The following MTUS2 variants were observed in gnomAD, a reference collection of about 807,000 sequenced individuals.
The protein encoded by MTUS2 is microtubule-associated tumor suppressor candidate 2.
MTUS2 carries 40 observed loss-of-function variants against 114.1 expected under a neutral mutation model. The ratio of observed to expected loss-of-function variants is 0.35; its 90% CI spans 0.27 to 0.46. The LOEUF is 0.46. MTUS2 is among the 20% of genes least tolerant of loss of function. The pLI, the probability that MTUS2 is intolerant of heterozygous loss-of-function variation, is 1.00. For missense variants in MTUS2, 1,679 were observed against 1,705.4 expected, an observed-to-expected ratio of 0.98 and a Z score of 0.27; for synonymous variants, 688 against 672.0, an observed-to-expected ratio of 1.02 and a Z score of -0.37.
intron 2 of MTUS2, among the ~76,000 whole-genome samples, chr13:28,911,495 A>G (rs1382749182): frequency 2.0e-5 from 3 of 152,158 alleles, no homozygotes; most frequent in South Asian, 2.1e-4. Context: ...ATATAATAAT[A>G]TATTTTCCTT....
At chr13:29,152,948 A>G (rs891287833) in intron 5 of MTUS2, among the ~76,000 whole-genome samples, 6 of 152,152 alleles carry the variant, frequency 3.9e-5, no homozygotes, top group Admixed American at 3.9e-4. Context: ...TAAAAGTGTG[A>G]TAAAGATTTT....
rs1172216855 is a variant in MTUS2, at chr13:29,027,780, C to T, written c.2205+877C>T. ...GGTCTTGATCTCCTGACCTCGTGAT[C>T]CGCCTACCTCGGCCTCCCAAAGTGC... is the stretch of plus-strand genomic sequence containing the variant. On this transcript the variant is annotated intron_variant, in intron 3 of 15. Coordinates refer to ENST00000612955, the MANE Select transcript of MTUS2 (RefSeq NM_001033602.4). Among the ~76,000 whole-genome samples the T allele has an allele frequency of 5.3e-5, 8 of 152,190 alleles. No individual in the cohort carries two copies. In the East Asian group the frequency reaches 1.6e-3, roughly 30 times the overall value.
chr13:28,921,803 A>G (rs763773540), intron 2 of MTUS2, among the ~76,000 whole-genome samples: 3 of 152,120 alleles, frequency 2.0e-5, no homozygotes, highest in Non-Finnish European at 4.4e-5. Context: ...GCTCTCCAAT[A>G]TAACAGGACA....
intron 9 of MTUS2, among the ~76,000 whole-genome samples, chr13:29,467,610 G>T (rs1212359477): frequency 6.6e-6 from 1 of 152,050 alleles, no homozygotes; most frequent in Non-Finnish European, 1.5e-5. Flanking sequence ...AGTGTTATTA[G>T]TTCTCACTTG....
At position 29,419,316 on chromosome 13, in the gene MTUS2, A is replaced by G. The variant is rs114584443; in HGVS notation, c.3118-20667A>G. On this transcript the variant is annotated intron_variant, in intron 8 of 15. Transcript: ENST00000612955. ...TCTTGCACAGCATCTGCCTCAGGAG[A>G]GACCATTACAGTTTCCTCAGGTAGT... Among the ~76,000 whole-genome samples, 1,419 of 152,242 alleles carry G rather than the reference A, an allele frequency of 9.3e-3. 11 individuals are homozygous for G. The highest frequency in any genetic ancestry group is 0.031 in the African/African-American group (1,296 of 41,534).
In MTUS2 at chr13:29,503,233, C is replaced by T. The variant is rs200129898; in HGVS notation, c.*27C>T. 9.4e-5 allele frequency: 151 copies of T among 1,610,056 alleles called. No individual in the cohort carries two copies. The highest frequency in any genetic ancestry group is 7.4e-4 in the East Asian group (33 of 44,838). ...GCCACTACACGGCCTGCGGGAGCTCCGGCTTCTCGTCCTCCGGTCTCCACC... is the reference window on the plus strand; with the variant it reads ...GCCACTACACGGCCTGCGGGAGCTCTGGCTTCTCGTCCTCCGGTCTCCACC... On this transcript the variant is annotated 3_prime_UTR_variant, in exon 16 of 16. Transcript: ENST00000612955.
chr13:29,317,455 G>T, intron 6 of MTUS2, among the ~76,000 whole-genome samples: 1 of 8,524 alleles, frequency 1.2e-4, no homozygotes. Context: ...TTTTTGAGAC[G>T]GAGTCTCGCT....
intron 5 of MTUS2, among the ~76,000 whole-genome samples, chr13:29,129,189 CTT>C (rs10610501): frequency 0.2 from 28,089 of 138,456 alleles, 2,721 homozygotes; most frequent in Middle Eastern, 0.25. Context: ...CCCTGGCAGT[CTT>C]TTTTTTTTTT....
intron 8 of MTUS2, among the ~76,000 whole-genome samples, chr13:29,369,705 C>T (rs910420674): frequency 3.3e-5 from 5 of 152,096 alleles, no homozygotes; most frequent in Non-Finnish European, 7.4e-5. Flanking sequence ...TTCTGCCCTC[C>T]CAGGAGAAGA....
chr13:29,065,607 A>G (rs1316367085), intron 4 of MTUS2, among the ~76,000 whole-genome samples: 1 of 152,174 alleles, frequency 6.6e-6, no homozygotes, highest in Non-Finnish European at 1.5e-5. Context: ...ATAAACAGAC[A>G]TAGTCTGTTG....
intron 5 of MTUS2, among the ~76,000 whole-genome samples, chr13:29,103,303 G>A (rs1336395836): frequency 6.6e-6 from 1 of 152,182 alleles, no homozygotes; most frequent in South Asian, 2.1e-4. Flanking sequence ...AAACCTAGAT[G>A]ACATAGCCTA....
At chr13:28,965,577 A>T (rs1217247795) in intron 2 of MTUS2, among the ~76,000 whole-genome samples, 2 of 152,208 alleles carry the variant, frequency 1.3e-5, no homozygotes, top group Admixed American at 1.3e-4. Flanking sequence ...TACGCTATAT[A>T]TGTATATATG....
At chr13:29,265,147 G>T (rs1197257709) in intron 5 of MTUS2, among the ~76,000 whole-genome samples, 1 of 152,182 alleles carries the variant, frequency 6.6e-6, no homozygotes, top group Non-Finnish European at 1.5e-5. Flanking sequence ...TTGCTGTTGA[G>T]AAATTTCTTC....
At chr13:28,883,117 A>G (rs1878388521) in intron 2 of MTUS2, among the ~76,000 whole-genome samples, 1 of 152,170 alleles carries the variant, frequency 6.6e-6, no homozygotes, top group Non-Finnish European at 1.5e-5. Flanking sequence ...CTGCACACCT[A>G]TCAGAATGGC....
chr13:29,235,128 C>T (rs1032011233), intron 5 of MTUS2, among the ~76,000 whole-genome samples: 1 of 151,982 alleles, frequency 6.6e-6, no homozygotes, highest in Non-Finnish European at 1.5e-5. Context: ...CCTGGTTTTG[C>T]TCTTGTTGCC....
chr13:29,276,180 G>A (rs1898056505), intron 5 of MTUS2, among the ~76,000 whole-genome samples: 2 of 152,196 alleles, frequency 1.3e-5, no homozygotes, highest in Admixed American at 1.3e-4. Flanking sequence ...TGTCCCTGGA[G>A]GAAGAATAAG....
chr13:29,464,560 GGTCCTGA>G (rs770947880), intron 9 of MTUS2, among the ~76,000 whole-genome samples: 8 of 152,148 alleles, frequency 5.3e-5, no homozygotes, highest in Non-Finnish European at 1.2e-4. Flanking sequence ...AGGGCTCTGT[GGTCCTGA>G]GTCCTGAGTA....
intron 2 of MTUS2, among the ~76,000 whole-genome samples, chr13:28,962,049 A>T (rs1883352141): frequency 6.6e-6 from 1 of 151,352 alleles, no homozygotes; most frequent in Non-Finnish European, 1.5e-5. Flanking sequence ...TTTTATATAC[A>T]TATTTATACA....
intron 12 of MTUS2, among the ~76,000 whole-genome samples, chr13:29,494,019 T>C (rs1882367695): frequency 6.6e-6 from 1 of 152,180 alleles, no homozygotes; most frequent in Non-Finnish European, 1.5e-5. Flanking sequence ...ACAGGTTTGG[T>C]GGTTAGAGAT....
Sources: gnomAD v4.1 joint callset for allele counts (sites outside exome capture counted in the v4.1 genomes callset) on GRCh38, gnomAD v4.1.1 for gene constraint, MANE v1.5 for transcripts, NCBI Gene and HGNC (gene_info 2026-07-23, HGNC 2026-07-21) for gene names.